Variants in SUCO observed in about 807,000 individuals in gnomAD.
SUCO encodes the protein SUN domain containing ossification factor.
In SUCO, 57 loss-of-function variants were observed where a neutral mutation model predicts 148.1. That is an observed-to-expected ratio of 0.38 (90% CI 0.31 to 0.48). The LOEUF (loss-of-function observed/expected upper bound fraction) is 0.48, where lower values mean the gene tolerates loss of function less well. SUCO is among the 20% of genes least tolerant of loss of function. The probability of loss-of-function intolerance (pLI) is 0.96; values close to 1 mark genes in which losing one functional copy is unlikely to be tolerated. For synonymous variants in SUCO, 470 were observed against 502.7 expected (o/e 0.93, Z 0.87); for missense variants, 1,331 against 1,468.2 (o/e 0.91, Z 1.53).
At chr1:172,601,961 T>TA in intron 20 of SUCO, 103 bp from the exon 21 acceptor site, 2 of 1,223,338 alleles carry the variant, frequency 1.6e-6, no homozygotes, top group Non-Finnish European at 2.2e-6. Context: ...TGAAGCACAT[T>TA]AAAAAAATAC....
intron 1 of SUCO, among the ~76,000 whole-genome samples, chr1:172,537,525 G>A: frequency 6.6e-6 from 1 of 152,060 alleles, no homozygotes; most frequent in East Asian, 1.9e-4. Context: ...AGTTAAAACT[G>A]AATAATTCCT....
chr1:172,607,348 GTGA>G (rs1299195658), intron 22 of SUCO, among the ~76,000 whole-genome samples: 3 of 151,740 alleles, frequency 2.0e-5, no homozygotes, highest in South Asian at 2.1e-4. Flanking sequence ...GGGCCACCAG[GTGA>G]TGATAATTTG....
At chr1:172,559,184 T>G (rs1156367631) in intron 6 of SUCO, among the ~76,000 whole-genome samples, 1 of 152,184 alleles carries the variant, frequency 6.6e-6, no homozygotes, top group African/African-American at 2.4e-5. Context: ...ATACAGAGAA[T>G]GCTTTCCAAA....
intron 15 of SUCO, among the ~76,000 whole-genome samples, chr1:172,582,595 A>G (rs1047890897): frequency 2.0e-5 from 3 of 152,174 alleles, no homozygotes; most frequent in African/African-American, 4.8e-5. Context: ...TTATATTCAA[A>G]GATGTCATTT....
chr1:172,542,251 G>C (rs562742283), intron 1 of SUCO, among the ~76,000 whole-genome samples: 1 of 152,048 alleles, frequency 6.6e-6, no homozygotes, highest in African/African-American at 2.4e-5. Context: ...GCATGGTAGC[G>C]CATGCCTGTA....
chr1:172,606,262 C>T (rs1450815135), intron 22 of SUCO, among the ~76,000 whole-genome samples: 1 of 139,822 alleles, frequency 7.2e-6, no homozygotes. Context: ...ATTAGATGGG[C>T]AGGGGTATCC....
At chr1:172,554,647 G>T (rs1653588737) in intron 3 of SUCO, among the ~76,000 whole-genome samples, 1 of 150,910 alleles carries the variant, frequency 6.6e-6, no homozygotes, top group African/African-American at 2.4e-5. Context: ...TGAGGCAGGA[G>T]AATTGCTTGA....
At chr1:172,562,657 A>G (rs1167422906) in intron 6 of SUCO, among the ~76,000 whole-genome samples, 1 of 152,224 alleles carries the variant, frequency 6.6e-6, no homozygotes, top group Non-Finnish European at 1.5e-5. Context: ...TAGAAAGTGT[A>G]TTGTAAACAA....
At chr1:172,577,448 C>G in intron 11 of SUCO, 91 bp from the exon 12 acceptor site, 1 of 1,232,210 alleles carries the variant, frequency 8.1e-7, no homozygotes, top group Non-Finnish European at 1.2e-6. Flanking sequence ...ATACTTTATA[C>G]AACATAATTT....
Position 172,570,675 on chromosome 1 carries a change from ATTC to A in SUCO, c.997_999del (p.Leu333del). 6.2e-7 allele frequency: 1 copy of A among 1,600,780 alleles called. No homozygotes were observed. ...CTTTTTAAAATAGAGCACATCTGCT[ATTC>A]TTATAGAAAATATGGATCTTTACAT... On this transcript the variant is annotated inframe_deletion, in exon 9 of 24. Coordinates refer to ENST00000263688, the MANE Select transcript of SUCO (RefSeq NM_014283.5).
chr1:172,588,298 T>C (rs571001726), intron 17 of SUCO: 284 of 985,326 alleles, frequency 2.9e-4, no homozygotes, highest in Non-Finnish European at 3.3e-4. Flanking sequence ...CACTCATAAA[T>C]ATTAAGAATC....
chr1:172,561,572 G>T (rs1654155756), intron 6 of SUCO, among the ~76,000 whole-genome samples: 2 of 152,112 alleles, frequency 1.3e-5, no homozygotes, highest in African/African-American at 4.8e-5. Flanking sequence ...TGATATCTGC[G>T]GTTGGGCCTT....
intron 13 of SUCO, 47 bp downstream of exon 13, chr1:172,577,866 A>G: frequency 6.9e-7 from 1 of 1,455,652 alleles, no homozygotes; most frequent in South Asian, 1.2e-5. Context: ...AAAAATTGAT[A>G]TACAAAATTT....
intron 9 of SUCO, among the ~76,000 whole-genome samples, chr1:172,572,187 G>T (rs866748490): frequency 7.1e-6 from 1 of 141,088 alleles, no homozygotes; most frequent in African/African-American, 2.6e-5. Context: ...CCACCACCCC[G>T]TTTGGGAGGT....
intron 22 of SUCO, 194 bp downstream of exon 22, chr1:172,602,981 G>T: frequency 2.0e-6 from 1 of 505,022 alleles, no homozygotes; most frequent in African/African-American, 2.0e-5. Flanking sequence ...AGCCCAGAGG[G>T]TAGGGAGGGG....
At chr1:172,538,337 T>C (rs1652179048) in intron 1 of SUCO, among the ~76,000 whole-genome samples, 1 of 152,312 alleles carries the variant, frequency 6.6e-6, no homozygotes, top group South Asian at 2.1e-4. Flanking sequence ...GTTTATTTCC[T>C]GGTTTGTGAT....
intron 1 of SUCO, among the ~76,000 whole-genome samples, chr1:172,535,489 C>G (rs889583351): frequency 6.6e-6 from 1 of 152,090 alleles, no homozygotes; most frequent in Non-Finnish European, 1.5e-5. Flanking sequence ...TATGTTTTTT[C>G]TTTGAAGCCT....
intron 3 of SUCO, 33 bp from the exon 4 acceptor site, chr1:172,555,836 C>A (rs1267491780): frequency 1.3e-6 from 2 of 1,549,712 alleles, no homozygotes; most frequent in Non-Finnish European, 1.8e-6. Flanking sequence ...TTAATCTCAA[C>A]ATTTAATTTA....
chr1:172,610,442 T>G lies in SUCO; in HGVS notation c.*183T>G. 1 of 892,186 alleles carries G rather than the reference T, an allele frequency of 1.1e-6. No homozygotes were observed. The highest frequency in any genetic ancestry group is 2.6e-5 in the South Asian group (1 of 38,146). 55.3% of individuals were successfully genotyped at this position (892,186 alleles called of 1,614,324 possible). ...CAATCTTGGTTAATGAGCTACAGTT[T>G]TACAAAGCTGATCACTTCCTATAAG... On this transcript the variant is annotated 3_prime_UTR_variant, in exon 24 of 24. Transcript: ENST00000263688.
Sources: allele counts gnomAD v4.1 joint callset (sites outside exome capture counted in the v4.1 genomes callset), GRCh38; gene constraint gnomAD v4.1.1; transcripts MANE v1.5; gene names NCBI Gene and HGNC (gene_info 2026-07-23, HGNC 2026-07-21).